Variants in CCNQ observed in about 807,000 individuals in gnomAD.
CCNQ encodes the protein cyclin-Q.
CCNQ carries 3 observed loss-of-function variants against 17.7 expected under a neutral mutation model. The observed-to-expected ratio is 0.17, with a 90% CI of 0.08 to 0.44. The LOEUF (loss-of-function observed/expected upper bound fraction) is 0.44. Among genes scored for constraint, CCNQ ranks in the 20% least tolerant of loss-of-function variants. CCNQ has a pLI of 0.99. For missense variants in CCNQ, 146 were observed against 222.6 expected (o/e 0.66, Z 2.19); for synonymous variants, 73 against 96.0 (o/e 0.76, Z 1.40).
intron 1 of CCNQ, among the ~76,000 whole-genome samples, 199 bp from the exon 2 acceptor site, chrX:153,596,386 G>A (rs2091028814): frequency 9.0e-6 from 1 of 111,708 alleles, no homozygotes; most frequent in Admixed American, 9.4e-5. Context: ...CCCTGGGGAT[G>A]GTGTTCAAAT....
rs2090997965 is a variant in CCNQ, at chrX:153,592,433, T to C, written c.657+73A>G. 7 of 996,296 alleles carry C rather than the reference T, an allele frequency of 7.0e-6. No individual in the cohort carries two copies. In the South Asian group the frequency reaches 1.0e-4, roughly 14 times the overall value. The allele number at this position is 996,296 out of a possible 1,213,427, so 82.1% of individuals were successfully genotyped here. ...TTTCTTCATGGATAATTAATAGAAT[T>C]TGGTGAGCACTGCAATACAGAGACT... On this transcript the variant is annotated intron_variant, in intron 4 of 4. Transcript: ENST00000576892.
chrX:153,596,929 A>G (rs1255694113), intron 1 of CCNQ, among the ~76,000 whole-genome samples: 2 of 112,380 alleles, frequency 1.8e-5, no homozygotes, highest in Middle Eastern at 4.2e-3. Flanking sequence ...CAGGAATTCG[A>G]GACCAGCCTA....
Position 153,598,956 on chromosome X carries a change from G to T in CCNQ, c.112+6C>A. 8.9e-7 allele frequency: 1 copy of T among 1,129,565 alleles called. No individual in the cohort carries two copies. The highest frequency in any genetic ancestry group is 2.6e-5 in the Admixed American group (1 of 38,963). 93.1% of individuals were successfully genotyped at this position (1,129,565 alleles called of 1,213,427 possible). A position where few individuals can be genotyped will look rare whatever the true frequency, so the allele number is the denominator to read the frequency against. ...GCCTGTCCTGGCCTCCCCCGGCCGCGGTTACCTGCCTCCATGATGAACCTC... is the reference window on the plus strand; with the variant it reads ...GCCTGTCCTGGCCTCCCCCGGCCGCTGTTACCTGCCTCCATGATGAACCTC... On this transcript the variant is annotated splice_donor_region_variant and intron_variant, in intron 1 of 4. Coordinates refer to ENST00000576892, the MANE Select transcript of CCNQ (RefSeq NM_152274.5).
rs782390185 is a variant in CCNQ at position 153,596,040 on chromosome X, T to G, written c.260A>C (p.His87Pro). Residue 87 changes from histidine (H) to proline (P), a missense_variant, in exon 2 of 5, where the codon CAC (histidine) becomes CCC (proline). By Grantham distance (77) the His-to-Pro change is moderately conservative. Coordinates refer to ENST00000576892, the MANE Select transcript of CCNQ (RefSeq NM_152274.5). ...IYLAGKVEEQ[H>P]LRTRDIINVS... is the part of the protein sequence containing the mutation. The stretch of plus-strand genomic sequence containing the variant: ...ATTGATGATGTCACGAGTCCGCAGG[T>G]GCTGCTCTTCCACTTTGCCGGCCAA... 4 of 1,212,013 alleles carry G rather than the reference T, an allele frequency of 3.3e-6. No homozygotes were observed. The highest frequency in any genetic ancestry group is 3.3e-6 in the Non-Finnish European group (3 of 895,560).
chrX:153,598,923 G>A, intron 1 of CCNQ, 39 bp downstream of exon 1: 2 of 1,016,547 alleles, frequency 2.0e-6, no homozygotes, highest in Non-Finnish European at 1.3e-6. Context: ...GAAGCGGGCC[G>A]CGGCGCCGCC....
chrX:153,595,680 A>C (rs1557026844), intron 2 of CCNQ, among the ~76,000 whole-genome samples: 18 of 112,154 alleles, frequency 1.6e-4, no homozygotes, highest in African/African-American at 5.8e-4. Flanking sequence ...GCCTGCAGCC[A>C]TCCCTGTCTA....
At chrX:153,589,280 C>A (rs981961504) in intron 4 of CCNQ, among the ~76,000 whole-genome samples, 2 of 112,900 alleles carry the variant, frequency 1.8e-5, no homozygotes, top group Non-Finnish European at 3.8e-5. Flanking sequence ...GAAACCCTGG[C>A]CGCCATGGCT....
rs2090966212 is a variant in CCNQ at position 153,588,153 on chromosome X, C to G, written c.*212G>C. 5 of 521,131 alleles carry G rather than the reference C, an allele frequency of 9.6e-6. No individual in the cohort carries two copies. The highest frequency in any genetic ancestry group is 1.8e-5 in the Non-Finnish European group (5 of 284,692). The allele number at this position is 521,131 out of a possible 1,213,427, so 42.9% of individuals were successfully genotyped here. A position where few individuals can be genotyped will look rare whatever the true frequency, so the allele number is the denominator to read the frequency against. ...ACACAGTACACTCCCGGCCTGCCCG[C>G]TGGAGGCGCGGCTCCCACCATCACC... On this transcript the variant is annotated 3_prime_UTR_variant, in exon 5 of 5. Coordinates refer to ENST00000576892, the MANE Select transcript of CCNQ (RefSeq NM_152274.5).
At chrX:153,596,867 C>T (rs1454164676) in intron 1 of CCNQ, among the ~76,000 whole-genome samples, 4 of 112,597 alleles carry the variant, frequency 3.6e-5, no homozygotes, top group East Asian at 2.8e-4. Flanking sequence ...TGCTGGTTTA[C>T]GCCTGTAATC....
intron 2 of CCNQ, among the ~76,000 whole-genome samples, chrX:153,595,687 T>C (rs1557026846): frequency 1.2e-4 from 13 of 112,318 alleles, no homozygotes; most frequent in African/African-American, 4.2e-4. Context: ...GCCATCCCTG[T>C]CTAAGACTTC....
rs782800259 is a variant in CCNQ at position 153,591,912 on chromosome X, C to T, written c.657+594G>A. ...AAAATCAGCAAATGCTGTGGTCTTC[C>T]ACAAGGCACACGGGCCAGGGAAGAG... On this transcript the variant is annotated intron_variant, in intron 4 of 4. Coordinates refer to ENST00000576892, the MANE Select transcript of CCNQ (RefSeq NM_152274.5). Among the ~76,000 whole-genome samples, 4 of 109,435 alleles carry T rather than the reference C, an allele frequency of 3.7e-5. No individual in the cohort carries two copies. The South Asian group carries it at 1.6e-3, about 44-fold the overall frequency.
At chrX:153,597,422 CT>C in intron 1 of CCNQ, 1 of 113,835 alleles carries the variant, frequency 8.8e-6, no homozygotes, top group Non-Finnish European at 1.9e-5. Context: ...GTTTCCTTGC[CT>C]TTTCCAGCTT....
rs56267101 is a variant in CCNQ at position 153,594,407 on chromosome X, A to G, written c.429+140T>C. ...CCAACCCAGCCACAAACACAGAGCC[A>G]GGAGACCCAGTTCCCAGCCGCAGCC... On this transcript the variant is annotated intron_variant, in intron 3 of 4. Coordinates refer to ENST00000576892, the MANE Select transcript of CCNQ (RefSeq NM_152274.5). 1,334 of 837,626 alleles carry G rather than the reference A, an allele frequency of 1.6e-3. 11 individuals carry two copies. The African/African-American group carries it at 0.024, about 15-fold the overall frequency. The allele number at this position is 837,626 out of a possible 1,213,427, so 69.0% of individuals were successfully genotyped here. A position where few individuals can be genotyped will look rare whatever the true frequency, so the allele number is the denominator to read the frequency against.
rs2091049165 is a variant in CCNQ, at chrX:153,599,054, C to A, written c.20G>T (p.Gly7Val). 9.4e-6 allele frequency: 10 copies of A among 1,067,076 alleles called. No individual in the cohort carries two copies. Among genetic ancestry groups the A allele is most frequent in the Non-Finnish European group, 1.2e-5 (10 of 825,541 alleles). The allele number at this position is 1,067,076 out of a possible 1,213,427, so 87.9% of individuals were successfully genotyped here. Reference sequence around the variant, plus strand: ...GCCCCGCGCTGCAGGCCCCCCTCCGCCGCCCTCCGGGGCTTCCATGAGGCG... The same window carrying A: ...GCCCCGCGCTGCAGGCCCCCCTCCGACGCCCTCCGGGGCTTCCATGAGGCG... MEAPEGGGGGPAARGPE... is the reference protein window; with the variant it reads MEAPEGVGGGPAARGPE... The change falls in exon 1 of 5, where the codon GGC becomes GTC. Residue 7 changes from glycine to valine, a missense_variant. Physicochemically the swap from Gly to Val is moderately radical, Grantham distance 109. Coordinates refer to ENST00000576892, the MANE Select transcript of CCNQ (RefSeq NM_152274.5).
rs1298817842 is a variant in CCNQ at position 153,599,116 on chromosome X, G to C, written c.-43C>G. ...GCGGAAGGAGAGGCGGCCCCGGCGC[G>C]CAGAAGCCGGCAGAACTGGAGGTGC... is the stretch of plus-strand genomic sequence containing the variant. On this transcript the variant is annotated 5_prime_UTR_variant, in exon 1 of 5. Coordinates refer to ENST00000576892, the MANE Select transcript of CCNQ (RefSeq NM_152274.5). The C allele has an allele frequency of 8.5e-6, 6 of 706,483 alleles. No homozygotes were observed. The African/African-American group carries it at 1.2e-4, about 14-fold the overall frequency. The allele number at this position is 706,483 out of a possible 1,213,427, so 58.2% of individuals were successfully genotyped here. A position where few individuals can be genotyped will look rare whatever the true frequency, so the allele number is the denominator to read the frequency against.
intron 4 of CCNQ, among the ~76,000 whole-genome samples, chrX:153,589,769 G>A (rs1429735734): frequency 8.9e-6 from 1 of 112,240 alleles, no homozygotes; most frequent in Admixed American, 9.4e-5. Context: ...ACAACCTCAG[G>A]TAGGAGATGG....
chrX:153,588,916 C>T (rs187437734), intron 4 of CCNQ, among the ~76,000 whole-genome samples: 200 of 113,081 alleles, frequency 1.8e-3, no homozygotes, highest in South Asian at 3.6e-3. Flanking sequence ...CTCCACAGTC[C>T]GGACCGCCAC....
intron 2 of CCNQ, among the ~76,000 whole-genome samples, chrX:153,595,659 C>T (rs2091022565): frequency 8.9e-6 from 1 of 112,469 alleles, no homozygotes; most frequent in African/African-American, 3.2e-5. Context: ...CCGCTGCAGG[C>T]AAGCTCTTCT....
At chrX:153,591,608 C>T (rs782233572) in intron 4 of CCNQ, among the ~76,000 whole-genome samples, 1 of 111,466 alleles carries the variant, frequency 9.0e-6, no homozygotes, top group Non-Finnish European at 1.9e-5. Flanking sequence ...TTGCCCCCCC[C>T]AGAGTCCAAC....
Sources: allele counts gnomAD v4.1 joint callset (sites outside exome capture counted in the v4.1 genomes callset), GRCh38; gene constraint gnomAD v4.1.1; transcripts MANE v1.5; gene names NCBI Gene and HGNC (gene_info 2026-07-23, HGNC 2026-07-21).